Variants in MGAT4C observed in about 807,000 individuals in gnomAD.
MGAT4C encodes MGAT4 family member C, also known as alpha-1,3-mannosyl-glycoprotein 4-beta-N-acetylglucosaminyltransferase C.
Under a neutral mutation model 40.1 loss-of-function variants are expected in MGAT4C, and 19 were observed. That is an observed-to-expected ratio of 0.47 (90% CI 0.33 to 0.70). The LOEUF is 0.70. Ranked by LOEUF, MGAT4C falls within the 30% of genes least tolerant of loss-of-function variation. The pLI is 0.02. For synonymous variants in MGAT4C, 181 were observed against 187.1 expected, an observed-to-expected ratio of 0.97 and a Z score of 0.27; for missense variants, 491 against 563.2, an observed-to-expected ratio of 0.87 and a Z score of 1.30.
At chr12:86,266,731 T>C (rs1156972204) in intron 4 of MGAT4C, among the ~76,000 whole-genome samples, 6 of 152,160 alleles carry the variant, frequency 3.9e-5, no homozygotes, top group Admixed American at 3.9e-4. Context: ...TTCATACCTT[T>C]GGTAGAATTT....
At chr12:86,408,424 G>A (rs1342927695) in intron 3 of MGAT4C, among the ~76,000 whole-genome samples, 1 of 114,604 alleles carries the variant, frequency 8.7e-6, no homozygotes, top group Non-Finnish European at 1.7e-5. Context: ...TATATAACTG[G>A]AATAAATTGT....
At chr12:86,686,081 G>T (rs749265890) in intron 2 of MGAT4C, among the ~76,000 whole-genome samples, 8 of 151,000 alleles carry the variant, frequency 5.3e-5, no homozygotes, top group Non-Finnish European at 4.4e-5. Context: ...ATGTTTCACC[G>T]TGTTAGTCAG....
chr12:86,547,415 C>T (rs1959200523), intron 2 of MGAT4C, among the ~76,000 whole-genome samples: 2 of 151,948 alleles, frequency 1.3e-5, no homozygotes, highest in African/African-American at 2.4e-5. Flanking sequence ...ATTTTTAGCA[C>T]ATCTAAATGT....
At position 86,318,154 on chromosome 12, in the gene MGAT4C, G is replaced by A. The variant is rs1954292328; in HGVS notation, c.-57+15911C>T. On this transcript the variant is annotated intron_variant, in intron 4 of 7. Transcript: ENST00000548651. ...AGTAGAAATTGGTTCTGTGAGGAGAGATTTATTTGGTTTAATTTTCTTTGG... is the reference window on the plus strand; with the variant it reads ...AGTAGAAATTGGTTCTGTGAGGAGAAATTTATTTGGTTTAATTTTCTTTGG... Among the ~76,000 whole-genome samples, 5 of 151,984 alleles carry A rather than the reference G, an allele frequency of 3.3e-5. No homozygotes were observed. In the South Asian group the frequency reaches 1.0e-3, roughly 32 times the overall value.
chr12:86,173,889 C>G (rs1054660962), intron 1 of MGAT4C, among the ~76,000 whole-genome samples: 5 of 151,102 alleles, frequency 3.3e-5, no homozygotes, highest in African/African-American at 9.7e-5. Flanking sequence ...TGGGTTTTTC[C>G]TTCTTTCTCT....
At chr12:86,465,752 G>A (rs1957671869) in intron 2 of MGAT4C, among the ~76,000 whole-genome samples, 1 of 152,152 alleles carries the variant, frequency 6.6e-6, no homozygotes, top group African/African-American at 2.4e-5. Flanking sequence ...AGGATGTGGA[G>A]CAATGGGAGC....
At chr12:86,120,236 T>A (rs2135678302) in intron 1 of MGAT4C, among the ~76,000 whole-genome samples, 1 of 152,104 alleles carries the variant, frequency 6.6e-6, no homozygotes, top group Non-Finnish European at 1.5e-5. Context: ...TTTTATTTTT[T>A]AATTATACTT....
intron 1 of MGAT4C, among the ~76,000 whole-genome samples, chr12:86,063,382 C>A (rs771473383): frequency 6.6e-6 from 1 of 152,212 alleles, no homozygotes; most frequent in East Asian, 1.9e-4. Context: ...AAGCACGAAA[C>A]ATGGAAAAGA....
chr12:86,651,800 T>A (rs1333783447), intron 2 of MGAT4C, among the ~76,000 whole-genome samples: 3 of 151,852 alleles, frequency 2.0e-5, no homozygotes, highest in South Asian at 2.1e-4. Context: ...GATGAATGCT[T>A]ACTTATGAAA....
intron 2 of MGAT4C, among the ~76,000 whole-genome samples, chr12:86,558,254 G>A (rs1017797219): frequency 4.6e-5 from 7 of 152,140 alleles, no homozygotes; most frequent in Middle Eastern, 3.4e-3. Context: ...GTTTCAGAGC[G>A]AGGAGATAGG....
At position 86,115,426 on chromosome 12, in the gene MGAT4C, A is replaced by G. The variant is rs534927645; in HGVS notation, c.-56-65703T>C. The stretch of plus-strand genomic sequence containing the variant: ...ACAATACTAATTTAAATGACACAAT[A>G]CCTTATATTCAGATATTTTATAAAA... On this transcript the variant is annotated intron_variant, in intron 1 of 4. Coordinates refer to ENST00000611864, the MANE Select transcript of MGAT4C (RefSeq NM_001351288.2). Among the ~76,000 whole-genome samples, 9 of 152,146 alleles carry G rather than the reference A, an allele frequency of 5.9e-5. No homozygotes were observed. In the South Asian group the frequency reaches 1.9e-3, roughly 32 times the overall value.
chr12:86,475,374 A>C (rs1030355056), intron 2 of MGAT4C, among the ~76,000 whole-genome samples: 1 of 152,014 alleles, frequency 6.6e-6, no homozygotes, highest in Non-Finnish European at 1.5e-5. Flanking sequence ...AATTGACAAA[A>C]ATTTATATAT....
At chr12:86,424,283 G>A (rs974598673) in intron 3 of MGAT4C, among the ~76,000 whole-genome samples, 11 of 152,088 alleles carry the variant, frequency 7.2e-5, no homozygotes, top group African/African-American at 2.7e-4. Flanking sequence ...CTGTTAAAAG[G>A]TTTAGCCTTT....
At chr12:86,630,486 C>A (rs1011523507) in intron 2 of MGAT4C, among the ~76,000 whole-genome samples, 1 of 151,994 alleles carries the variant, frequency 6.6e-6, no homozygotes, top group Non-Finnish European at 1.5e-5. Context: ...TGATGAACAT[C>A]GATGCAAAAA....
At chr12:86,316,571 T>C (rs552572531) in intron 4 of MGAT4C, among the ~76,000 whole-genome samples, 1 of 152,046 alleles carries the variant, frequency 6.6e-6, no homozygotes, top group African/African-American at 2.4e-5. Context: ...TGCAGCAACA[T>C]AGATGCAGCT....
At chr12:86,666,200 G>A (rs1339261725) in intron 2 of MGAT4C, among the ~76,000 whole-genome samples, 4 of 152,044 alleles carry the variant, frequency 2.6e-5, no homozygotes, top group South Asian at 2.1e-4. Flanking sequence ...CATTAGATTC[G>A]TAGCTGGTTA....
chr12:85,994,636 C>T (rs1302771195), intron 2 of MGAT4C, among the ~76,000 whole-genome samples: 1 of 151,472 alleles, frequency 6.6e-6, no homozygotes, highest in Admixed American at 6.6e-5. Flanking sequence ...CGCCAAAAAA[C>T]AAACAAAAAA....
intron 2 of MGAT4C, among the ~76,000 whole-genome samples, chr12:86,606,061 G>A (rs1276963666): frequency 6.6e-6 from 1 of 152,112 alleles, no homozygotes; most frequent in Non-Finnish European, 1.5e-5. Flanking sequence ...GAAGTGCTAA[G>A]TGAAGGGGAA....
chr12:86,218,213 A>G (rs751024443), intron 1 of MGAT4C, among the ~76,000 whole-genome samples: 37 of 152,028 alleles, frequency 2.4e-4, no homozygotes, highest in Non-Finnish European at 5.0e-4. Context: ...ATCCTAATAG[A>G]AGAGCTAAGG....
Sources: gnomAD v4.1 joint callset for allele counts (sites outside exome capture counted in the v4.1 genomes callset) on GRCh38, gnomAD v4.1.1 for gene constraint, MANE v1.5 for transcripts, NCBI Gene and HGNC (gene_info 2026-07-23, HGNC 2026-07-21) for gene names.